AKAP7: variants seen among roughly 807,000 people sequenced by gnomAD.
AKAP7 encodes the protein A-kinase anchoring protein 7, also known as A kinase (PRKA) anchor protein 7.
AKAP7 carries 39 observed loss-of-function variants against 39.5 expected under a neutral mutation model. The observed-to-expected ratio is 0.99, with a 90% CI of 0.76 to 1.29. AKAP7 has a LOEUF of 1.29. Among genes scored for constraint, AKAP7 ranks in the 50% most tolerant of loss-of-function variants. The probability of loss-of-function intolerance (pLI) is 0.00; values close to 1 mark genes in which losing one functional copy is unlikely to be tolerated. For missense variants in AKAP7, 414 were observed against 407.7 expected, an observed-to-expected ratio of 1.02 and a Z score of -0.13; for synonymous variants, 140 against 139.1, an observed-to-expected ratio of 1.01 and a Z score of -0.05.
intron 7 of AKAP7, among the ~76,000 whole-genome samples, chr6:131,223,503 T>C (rs1809882996): frequency 6.6e-6 from 1 of 152,230 alleles, no homozygotes; most frequent in African/African-American, 2.4e-5. Flanking sequence ...TTTTATATTC[T>C]GAAACATCTC....
At chr6:131,229,417 T>G (rs1170586246) in intron 7 of AKAP7, among the ~76,000 whole-genome samples, 1 of 152,166 alleles carries the variant, frequency 6.6e-6, no homozygotes, top group African/African-American at 2.4e-5. Flanking sequence ...GGCGTGATCT[T>G]GGCTTACTGC....
At chr6:131,265,785 G>A (rs769326231) in intron 7 of AKAP7, among the ~76,000 whole-genome samples, 6 of 152,100 alleles carry the variant, frequency 3.9e-5, no homozygotes, top group East Asian at 3.9e-4. Flanking sequence ...TGTAGACTTC[G>A]GCAAGTCTCA....
intron 5 of AKAP7, among the ~76,000 whole-genome samples, chr6:131,187,509 TTC>T (rs1039705194): frequency 4.6e-5 from 7 of 152,156 alleles, no homozygotes; most frequent in African/African-American, 1.7e-4. Context: ...AAGGCCTTTT[TTC>T]TCCAAAGTAG....
At chr6:131,237,122 T>C (rs1008664962) in intron 7 of AKAP7, among the ~76,000 whole-genome samples, 2 of 152,212 alleles carry the variant, frequency 1.3e-5, no homozygotes, top group Non-Finnish European at 2.9e-5. Flanking sequence ...TGAAGGGTTG[T>C]TGAATTTTGT....
intron 7 of AKAP7, among the ~76,000 whole-genome samples, chr6:131,271,752 A>AT (rs1308668250): frequency 6.6e-6 from 1 of 152,196 alleles, no homozygotes; most frequent in Non-Finnish European, 1.5e-5. Flanking sequence ...CATGAGTCAA[A>AT]TGACAGGGTA....
intron 5 of AKAP7, among the ~76,000 whole-genome samples, chr6:131,191,043 T>C (rs1806356806): frequency 6.6e-6 from 1 of 152,250 alleles, no homozygotes; most frequent in Non-Finnish European, 1.5e-5. Context: ...TTTATGCTGT[T>C]TGTTTTCTGG....
intron 1 of AKAP7, 129 bp downstream of exon 1, chr6:131,135,911 A>G (rs907290980): frequency 1.9e-6 from 2 of 1,050,890 alleles, no homozygotes; most frequent in African/African-American, 1.7e-5. Context: ...CCTCCTTCCC[A>G]AAAGGACTCA....
intron 7 of AKAP7, among the ~76,000 whole-genome samples, chr6:131,251,919 C>G (rs1812475291): frequency 6.6e-6 from 1 of 152,196 alleles, no homozygotes; most frequent in Non-Finnish European, 1.5e-5. Context: ...TGATCTTTTT[C>G]TTGGGGAATG....
At chr6:131,130,612 T>G (rs1292155818), upstream of AKAP7, among the ~76,000 whole-genome samples, 3 of 152,156 alleles carry the variant, frequency 2.0e-5, no homozygotes, top group African/African-American at 7.2e-5. Context: ...GTTCTTTTCA[T>G]TTGCAAGAGA....
intron 7 of AKAP7, among the ~76,000 whole-genome samples, chr6:131,250,789 T>C (rs1288834338): frequency 6.7e-6 from 1 of 150,100 alleles, no homozygotes; most frequent in African/African-American, 2.4e-5. Flanking sequence ...AAATTAACTG[T>C]AAAAGTACTG....
intron 7 of AKAP7, among the ~76,000 whole-genome samples, chr6:131,269,817 A>G (rs1322596): frequency 1.3e-5 from 2 of 152,068 alleles, no homozygotes; most frequent in East Asian, 1.9e-4. Flanking sequence ...GGAAATTATT[A>G]TTCCTATTTT....
At chr6:131,243,999 C>CT (rs34699635) in intron 7 of AKAP7, among the ~76,000 whole-genome samples, 26,147 of 142,976 alleles carry the variant, frequency 0.18, 2,289 homozygotes, top group Middle Eastern at 0.3. Context: ...TTTGCTTTTC[C>CT]TTTTTTTTTT....
chr6:131,254,539 G>T (rs1050937111), intron 7 of AKAP7, among the ~76,000 whole-genome samples: 2 of 152,182 alleles, frequency 1.3e-5, no homozygotes, highest in African/African-American at 4.8e-5. Flanking sequence ...TGCTGTTGCT[G>T]ATTTTCCCAT....
chr6:131,197,793 G>A (rs762971519), intron 5 of AKAP7, among the ~76,000 whole-genome samples: 12 of 152,112 alleles, frequency 7.9e-5, no homozygotes, highest in South Asian at 2.1e-4. Flanking sequence ...TGGGGGCTAC[G>A]AAGTCCGGTG....
chr6:131,244,436 A>G (rs558483900), intron 7 of AKAP7, among the ~76,000 whole-genome samples: 1 of 152,340 alleles, frequency 6.6e-6, no homozygotes, highest in East Asian at 1.9e-4. Flanking sequence ...TATGCTGTAA[A>G]TGTGAGGTGT....
intron 7 of AKAP7, among the ~76,000 whole-genome samples, chr6:131,228,253 T>C (rs187840707): frequency 1.8e-3 from 274 of 152,250 alleles, no homozygotes; most frequent in African/African-American, 6.3e-3. Context: ...GAAAAAAAGG[T>C]TTTGAGCTTT....
intron 7 of AKAP7, among the ~76,000 whole-genome samples, chr6:131,235,399 T>G (rs1210091083): frequency 3.9e-5 from 6 of 152,238 alleles, no homozygotes. Flanking sequence ...AGCAGCATGT[T>G]TTATAATCCT....
At chr6:131,164,944 C>T in intron 3 of AKAP7, 137 bp from the exon 4 acceptor site, 1 of 640,952 alleles carries the variant, frequency 1.6e-6, no homozygotes, top group South Asian at 2.4e-5. Flanking sequence ...ATTAAGCATT[C>T]ATTTGGTTGA....
At chr6:131,223,636 A>G (rs1809897300) in intron 7 of AKAP7, among the ~76,000 whole-genome samples, 1 of 152,208 alleles carries the variant, frequency 6.6e-6, no homozygotes, top group Non-Finnish European at 1.5e-5. Flanking sequence ...AAACTTAGAT[A>G]CTTCTTGTGT....
Sources: gnomAD v4.1 joint callset for allele counts (sites outside exome capture counted in the v4.1 genomes callset) on GRCh38, gnomAD v4.1.1 for gene constraint, MANE v1.5 for transcripts, NCBI Gene and HGNC (gene_info 2026-07-23, HGNC 2026-07-21) for gene names.